VPS13B: variants seen among roughly 807,000 people sequenced by gnomAD.
VPS13B encodes the protein vacuolar protein sorting 13 homolog B, also known as intermembrane lipid transfer protein VPS13B.
A neutral mutation model predicts 426.4 loss-of-function variants in VPS13B; 285 were observed. The observed-to-expected ratio is 0.67, with a 90% CI of 0.61 to 0.74. The LOEUF is 0.74. VPS13B is among the 30% of genes least tolerant of loss of function. VPS13B has a pLI of 0.00. For missense variants in VPS13B, 4,537 were observed against 4,782.6 expected (o/e 0.95, Z 1.51); for synonymous variants, 1,676 against 1,676.4 (o/e 1.00, Z 0.01).
At chr8:99,388,155 A>T (rs1814232315) in intron 20 of VPS13B, among the ~76,000 whole-genome samples, 1 of 152,108 alleles carries the variant, frequency 6.6e-6, no homozygotes, top group East Asian at 1.9e-4. Flanking sequence ...ACTTATATAT[A>T]TTTTTCTAAA....
intron 17 of VPS13B, among the ~76,000 whole-genome samples, chr8:99,214,148 A>G (rs905893578): frequency 2.6e-5 from 4 of 152,190 alleles, no homozygotes; most frequent in African/African-American, 4.8e-5. Context: ...TCTTGAGATC[A>G]GGATTTGGCA....
chr8:99,105,550 T>C (rs1847000363), intron 5 of VPS13B, among the ~76,000 whole-genome samples: 2 of 152,092 alleles, frequency 1.3e-5, no homozygotes, highest in South Asian at 4.2e-4. Context: ...GGCTAATTTT[T>C]ATATTTTTGG....
At chr8:99,598,711 G>A (rs1463763838) in intron 33 of VPS13B, among the ~76,000 whole-genome samples, 1 of 151,806 alleles carries the variant, frequency 6.6e-6, no homozygotes, top group Non-Finnish European at 1.5e-5. Flanking sequence ...AACACTAATT[G>A]AGCATTCCTT....
rs1374692917 is a variant in VPS13B at position 99,859,413 on chromosome 8, G to A, written c.10977G>A (p.Arg3659=). 1.9e-6 allele frequency: 3 copies of A among 1,614,056 alleles called. No homozygotes were observed. In the African/African-American group the frequency reaches 4.0e-5, roughly 22 times the overall value. The change falls in exon 57 of 62, where the codon CGG becomes CGA. Residue 3659 remains arginine, a synonymous_variant. Transcript: ENST00000357162. Reference sequence around the variant, plus strand: ...GGCTTCCGTATGAGGGGCTGACCCGGGGCCCTGGAGCCTTCGTGAGTGGCG... The same window carrying A: ...GGCTTCCGTATGAGGGGCTGACCCGAGGCCCTGGAGCCTTCGTGAGTGGCG... ...FFRLPYEGLT[R]GPGAFVSGVS...
chr8:99,233,213 G>A, intron 17 of VPS13B: 1 of 1,346,390 alleles, frequency 7.4e-7, no homozygotes, highest in South Asian at 1.2e-5. Context: ...TGGTCACGAG[G>A]CACAATGATT....
At chr8:99,053,639 C>T (rs1194212084) in intron 3 of VPS13B, among the ~76,000 whole-genome samples, 1 of 149,624 alleles carries the variant, frequency 6.7e-6, no homozygotes, top group Non-Finnish European at 1.5e-5. Flanking sequence ...AAGGTTCATC[C>T]ATGTTGTGGC....
intron 2 of VPS13B, among the ~76,000 whole-genome samples, chr8:99,016,643 G>A (rs1199441270): frequency 7.2e-6 from 1 of 139,194 alleles, no homozygotes; most frequent in South Asian, 2.3e-4. Flanking sequence ...CCAGGCTGGA[G>A]TGCAGTGGTG....
intron 33 of VPS13B, among the ~76,000 whole-genome samples, chr8:99,585,399 G>C (rs566674391): frequency 6.6e-6 from 1 of 152,200 alleles, no homozygotes; most frequent in Non-Finnish European, 1.5e-5. Flanking sequence ...GAAAACTGCA[G>C]ACTAATACCT....
intron 33 of VPS13B, among the ~76,000 whole-genome samples, chr8:99,613,017 A>G (rs957371736): frequency 1.3e-5 from 2 of 152,140 alleles, no homozygotes; most frequent in African/African-American, 2.4e-5. Flanking sequence ...TCCAGTTTCT[A>G]TGTGAAACCA....
At chr8:99,301,249 T>TC (rs1820348780) in intron 19 of VPS13B, among the ~76,000 whole-genome samples, 1 of 151,822 alleles carries the variant, frequency 6.6e-6, no homozygotes, top group African/African-American at 2.4e-5. Flanking sequence ...TATTTAGGGC[T>TC]CGTTAGTATC....
intron 19 of VPS13B, among the ~76,000 whole-genome samples, chr8:99,332,774 T>C (rs984511511): frequency 1.3e-5 from 2 of 151,722 alleles, no homozygotes; most frequent in Non-Finnish European, 3.0e-5. Flanking sequence ...ATTTTAAATA[T>C]CAGGCTTCTA....
chr8:99,607,744 T>G (rs1256168710), intron 33 of VPS13B, among the ~76,000 whole-genome samples: 1 of 152,204 alleles, frequency 6.6e-6, no homozygotes, highest in Non-Finnish European at 1.5e-5. Context: ...CATTACTGTT[T>G]ATTAGCTATA....
chr8:99,286,418 G>C (rs1269111699), intron 19 of VPS13B, among the ~76,000 whole-genome samples: 5 of 152,126 alleles, frequency 3.3e-5, no homozygotes, highest in Non-Finnish European at 7.4e-5. Context: ...CCAGGCATAT[G>C]TTACAACTAG....
At chr8:99,551,402 C>T (rs925533880) in intron 30 of VPS13B, among the ~76,000 whole-genome samples, 3 of 151,984 alleles carry the variant, frequency 2.0e-5, no homozygotes, top group Non-Finnish European at 2.9e-5. Flanking sequence ...TCATAAAAAA[C>T]AGAATATTGA....
At chr8:99,816,469 C>A (rs1186378760) in intron 44 of VPS13B, among the ~76,000 whole-genome samples, 3 of 152,054 alleles carry the variant, frequency 2.0e-5, no homozygotes, top group African/African-American at 7.2e-5. Flanking sequence ...TTGAATAACC[C>A]ATAGGTTTAG....
intron 16 of VPS13B, among the ~76,000 whole-genome samples, chr8:99,185,362 T>C (rs1000947510): frequency 6.6e-6 from 1 of 152,220 alleles, no homozygotes; most frequent in Non-Finnish European, 1.5e-5. Context: ...TTTAAAACTT[T>C]AAAAACTTTT....
At chr8:99,873,074 A>G (rs1386871506) in intron 61 of VPS13B, 1 of 152,228 alleles carries the variant, frequency 6.6e-6, no homozygotes, top group African/African-American at 2.4e-5. Context: ...TGATTTGGCT[A>G]TAGGATTTGG....
At chr8:99,778,568 A>G in intron 41 of VPS13B, 114 bp from the exon 42 acceptor site, 1 of 956,676 alleles carries the variant, frequency 1.0e-6, no homozygotes, top group East Asian at 2.6e-5. Flanking sequence ...ATTAAACACC[A>G]AAAACTAATT....
At chr8:99,518,107 A>G (rs1822185088) in intron 29 of VPS13B, among the ~76,000 whole-genome samples, 1 of 152,008 alleles carries the variant, frequency 6.6e-6, no homozygotes, top group Non-Finnish European at 1.5e-5. Flanking sequence ...CTGTTCTTGG[A>G]TCTGGCTTTG....
Sources: allele counts gnomAD v4.1 joint callset (sites outside exome capture counted in the v4.1 genomes callset), GRCh38; gene constraint gnomAD v4.1.1; transcripts MANE v1.5; gene names NCBI Gene and HGNC (gene_info 2026-07-23, HGNC 2026-07-21).